The following CCT7 variants were observed in gnomAD, a reference collection of about 807,000 sequenced individuals.
The protein encoded by CCT7 is T-complex protein 1 subunit eta.
A neutral mutation model predicts 56.6 loss-of-function variants in CCT7; 16 were observed. That is an observed-to-expected ratio of 0.28 (90% confidence interval 0.19 to 0.43). The LOEUF is 0.43. Among genes scored for constraint, CCT7 ranks in the 20% least tolerant of loss-of-function variants. The pLI is 1.00. For missense variants in CCT7, 519 were observed against 685.6 expected, an observed-to-expected ratio of 0.76 and a Z score of 2.71; for synonymous variants, 262 against 254.8, an observed-to-expected ratio of 1.03 and a Z score of -0.27.
At position 73,239,915 on chromosome 2, in the gene CCT7, C is replaced by G. The variant is rs1015791608; in HGVS notation, c.160+119C>G. 7 of 871,048 alleles carry G rather than the reference C, an allele frequency of 8.0e-6. No homozygotes were observed. The Admixed American group carries it at 1.6e-4, about 19-fold the overall frequency. 54.0% of individuals were successfully genotyped at this position (871,048 alleles called of 1,614,324 possible). ...TGCTTTTAAGATCGTTGAAAGATGACTCACTCTGAAGCAGTTCCAATTCTT... is the reference window on the plus strand; with the variant it reads ...TGCTTTTAAGATCGTTGAAAGATGAGTCACTCTGAAGCAGTTCCAATTCTT... On this transcript the variant is annotated intron_variant, in intron 2 of 11. Transcript: ENST00000258091.
In CCT7 at chr2:73,239,626, A is replaced by G. The variant is rs1687017615; in HGVS notation, c.7-17A>G. 6.2e-7 allele frequency: 1 copy of G among 1,611,862 alleles called. No individual in the cohort carries two copies. On this transcript the variant is annotated splice_polypyrimidine_tract_variant and intron_variant, in intron 1 of 11. Transcript: ENST00000258091. The stretch of plus-strand genomic sequence containing the variant: ...AATAGATGATTATTAAAAGCAGTTA[A>G]TTTCTTTCTTTTCTAGCCCACACCA...
chr2:73,252,803 C>T lies in CCT7; in HGVS notation c.1574C>T (p.Ser525Leu), dbSNP rs587777929. 28 of 1,614,020 alleles carry T rather than the reference C, an allele frequency of 1.7e-5. No homozygotes were observed. The highest frequency in any genetic ancestry group is 2.4e-5 in the Non-Finnish European group (28 of 1,180,044). The change falls in exon 12 of 12, where the codon TCG (serine) becomes TTG (leucine). Residue 525 changes from serine to leucine, a missense_variant. Around this residue, in one of 3 missense-constraint regions of CCT7, gnomAD observed 237 missense variants for 300.8 expected, o/e 0.79. Coordinates refer to ENST00000258091, the MANE Select transcript of CCT7 (RefSeq NM_006429.4). Reference sequence around the variant, plus strand: ...GATGAAACCATCAAGAACCCCCGCTCGACTGTGGATGCTCCCACAGCAGCA... The same window carrying T: ...GATGAAACCATCAAGAACCCCCGCTTGACTGTGGATGCTCCCACAGCAGCA... ...SVDETIKNPR[S>L]TVDAPTAAGR...
intron 7 of CCT7, among the ~76,000 whole-genome samples, 174 bp downstream of exon 7, chr2:73,248,100 C>T (rs572915617): frequency 3.9e-4 from 60 of 152,246 alleles, no homozygotes; most frequent in Admixed American, 2.5e-3. Flanking sequence ...GTGACCTTGA[C>T]CTGAGGAAAT....
At chr2:73,243,514 A>G (rs1284919993) in intron 4 of CCT7, among the ~76,000 whole-genome samples, 1 of 152,150 alleles carries the variant, frequency 6.6e-6, no homozygotes, top group East Asian at 1.9e-4. Flanking sequence ...TCTAGGCCTT[A>G]CTTTCTTTGC....
At chr2:73,249,970 C>A in intron 9 of CCT7, 54 bp downstream of exon 9, 1 of 1,230,894 alleles carries the variant, frequency 8.1e-7, no homozygotes, top group Non-Finnish European at 1.2e-6. Flanking sequence ...TGGTCTTCTG[C>A]CATCTTTTGG....
chr2:73,251,420 T>C lies in CCT7; in HGVS notation c.1398T>C (p.Ala466=). 1 of 1,448,630 alleles carries C rather than the reference T, an allele frequency of 6.9e-7. No individual in the cohort carries two copies. The highest frequency in any genetic ancestry group is 9.3e-7 in the Non-Finnish European group (1 of 1,076,522). The allele number at this position is 1,448,630 out of a possible 1,614,324, so 89.7% of individuals were successfully genotyped here. The change falls in exon 11 of 12, where the codon GCT becomes GCC. Residue 466 remains alanine (A), a synonymous_variant. Transcript: ENST00000258091. ...DATNILNKLR[A]RHAQGGTWYG... is the part of the protein sequence containing the mutation. ...CAAACATTCTCAACAAGCTGCGGGC[T>C]CGGCATGCCCAGGTGGGTCCTTTCT...
At chr2:73,240,144 G>A (rs1435647598) in intron 2 of CCT7, 3 of 331,912 alleles carry the variant, frequency 9.0e-6, no homozygotes, top group East Asian at 5.2e-5. Context: ...ATCAACTGTG[G>A]TAAGAATATC....
At position 73,247,866 on chromosome 2, in the gene CCT7, T is replaced by C. The variant is rs1334899861; in HGVS notation, c.723T>C (p.Asn241=). The part of the protein sequence containing the change: ...KYHNPKIALL[N]VELELKAEKD... ...ACAATCCCAAGATTGCCCTTTTGAA[T>C]GTCGAGCTCGAGTTGAAAGCTGAGA... The change falls in exon 7 of 12, where the codon AAT becomes AAC. Residue 241 remains asparagine, a synonymous_variant. Coordinates refer to ENST00000258091, the MANE Select transcript of CCT7 (RefSeq NM_006429.4). The C allele has an allele frequency of 2.5e-6, 4 of 1,614,060 alleles. No homozygotes were observed. The highest frequency in any genetic ancestry group is 1.3e-5 in the African/African-American group (1 of 74,914).
chr2:73,240,416 T>G, intron 2 of CCT7, 21 bp from the exon 3 acceptor site: 1 of 1,583,242 alleles, frequency 6.3e-7, no homozygotes, highest in Non-Finnish European at 8.7e-7. Flanking sequence ...GGGCTTTAGA[T>G]TTTTGTTTGT....
At chr2:73,236,025 T>A (rs1253512798) in intron 1 of CCT7, among the ~76,000 whole-genome samples, 2 of 152,244 alleles carry the variant, frequency 1.3e-5, no homozygotes. Context: ...GTGAAACTTC[T>A]ATCTCCAAGA....
Position 73,252,679 on chromosome 2 carries a change from A to G in CCT7, c.1450A>G (p.Ile484Val), listed in dbSNP as rs371881724. Residue 484 changes from isoleucine to valine, a missense_variant, in exon 12 of 12, where the codon ATT becomes GTT. Ile to Val is a conservative substitution (Grantham distance 29, BLOSUM62 3). This residue lies in a region of CCT7 where 237 missense variants were observed against 300.8 expected (regional missense o/e 0.79). Coordinates refer to ENST00000258091, the MANE Select transcript of CCT7 (RefSeq NM_006429.4). ...TGGAGTAGACATCAACAACGAGGAC[A>G]TTGCTGACAACTTTGAAGCTTTCGT... is the stretch of plus-strand genomic sequence containing the variant. ...WYGVDINNED[I>V]ADNFEAFVWE... 1.0e-4 allele frequency: 162 copies of G among 1,614,018 alleles called. No homozygotes were observed. Among genetic ancestry groups the G allele is most frequent in the Non-Finnish European group, 1.3e-4 (158 of 1,179,992 alleles).
At chr2:73,240,410 T>G in intron 2 of CCT7, 27 bp from the exon 3 acceptor site, 1 of 1,566,308 alleles carries the variant, frequency 6.4e-7, no homozygotes, top group Non-Finnish European at 8.8e-7. Context: ...AGAAAGGGGC[T>G]TTAGATTTTT....
rs1194782532 is a variant in CCT7 at position 73,239,661 on chromosome 2, T to C, written c.25T>C (p.Leu9=). 5.6e-6 allele frequency: 9 copies of C among 1,613,932 alleles called. No individual in the cohort carries two copies. Among genetic ancestry groups the C allele is most frequent in the Non-Finnish European group, 7.6e-6 (9 of 1,179,834 alleles). MMPTPVIL[L]KEGTDSSQGI... ...TTTCTAGCCCACACCAGTTATCCTA[T>C]TGAAAGAGGGGACTGATAGCTCCCA... The change falls in exon 2 of 12, where the codon TTG becomes CTG. Residue 9 remains leucine, a synonymous_variant. Coordinates refer to ENST00000258091, the MANE Select transcript of CCT7 (RefSeq NM_006429.4).
chr2:73,243,485 G>C (rs1687202626), intron 4 of CCT7, among the ~76,000 whole-genome samples: 3 of 151,898 alleles, frequency 2.0e-5, no homozygotes, highest in Admixed American at 2.0e-4. Flanking sequence ...TTGTGATCTG[G>C]GGCAAGTCAT....
In CCT7 at chr2:73,252,324, G is replaced by GATATATATATATATATATATATAT. The variant is rs57359293; in HGVS notation, c.1411-312_1411-289dup. ...TGTTTATCTTGAGAACTCATTGTTT[G>GATATATATATATATATATATATAT]ATATATATATATATATATATATATA... is the stretch of plus-strand genomic sequence containing the variant. On this transcript the variant is annotated intron_variant, in intron 11 of 11. Transcript: ENST00000258091. 2.6e-3 allele frequency among the ~76,000 whole-genome samples: 331 copies of GATATATATATATATATATATATAT among 127,212 alleles called. 5 individuals are homozygous for GATATATATATATATATATATATAT. The highest frequency in any genetic ancestry group is 4.2e-3 in the Non-Finnish European group (254 of 59,950). The allele number at this position is 127,212 out of a possible 152,430, so 83.5% of individuals were successfully genotyped here.
intron 1 of CCT7, chr2:73,235,528 C>T (rs1686840971): frequency 1.0e-6 from 1 of 1,001,424 alleles, no homozygotes; most frequent in Non-Finnish European, 1.2e-6. Context: ...AACAGTACTT[C>T]CTCTCCCCTT....
intron 10 of CCT7, 113 bp from the exon 11 acceptor site, chr2:73,251,113 G>A: frequency 1.1e-6 from 1 of 926,728 alleles, no homozygotes; most frequent in Non-Finnish European, 1.7e-6. Context: ...GCTTGGGATG[G>A]AGGAAGGAAT....
rs745659526 is a variant in CCT7 at position 73,244,528 on chromosome 2, T to C, written c.447-16T>C. On this transcript the variant is annotated splice_polypyrimidine_tract_variant and intron_variant, in intron 5 of 11. Coordinates refer to ENST00000258091, the MANE Select transcript of CCT7 (RefSeq NM_006429.4). ...GGTTTTCAAGACCTGATGCAGATTCTGCCCTTGTGTCCCAGGGAGCAGAGG... is the reference window on the plus strand; with the variant it reads ...GGTTTTCAAGACCTGATGCAGATTCCGCCCTTGTGTCCCAGGGAGCAGAGG... The C allele has an allele frequency of 2.5e-6, 4 of 1,598,532 alleles. No homozygotes were observed. Among genetic ancestry groups the C allele is most frequent in the Non-Finnish European group, 3.4e-6 (4 of 1,169,764 alleles).
intron 6 of CCT7, among the ~76,000 whole-genome samples, chr2:73,246,581 T>C (rs1558567431): frequency 2.0e-5 from 3 of 152,216 alleles, no homozygotes; most frequent in South Asian, 4.1e-4. Flanking sequence ...CCTTCTGATA[T>C]CTACATTCCC....
Sources: allele counts gnomAD v4.1 joint callset (sites outside exome capture counted in the v4.1 genomes callset), GRCh38; gene constraint gnomAD v4.1.1; regional missense constraint gnomAD v4.1.1; transcripts MANE v1.5; gene names NCBI Gene and HGNC (gene_info 2026-07-23, HGNC 2026-07-21).